SNX25: variants seen among roughly 807,000 people sequenced by gnomAD.
SNX25 encodes sorting nexin 25, also known as sorting nexin-25.
Under a neutral mutation model 113.7 loss-of-function variants are expected in SNX25, and 62 were observed. That is an observed-to-expected ratio of 0.55 (90% CI 0.44 to 0.67). The LOEUF (loss-of-function observed/expected upper bound fraction) is 0.67. SNX25 is among the 30% of genes least tolerant of loss of function. The pLI, the probability that SNX25 is intolerant of heterozygous loss-of-function variation, is 0.00. For missense variants in SNX25, 1,014 were observed against 1,161.0 expected, an observed-to-expected ratio of 0.87 and a Z score of 1.84; for synonymous variants, 421 against 436.2, an observed-to-expected ratio of 0.97 and a Z score of 0.43.
intron 11 of SNX25, among the ~76,000 whole-genome samples, chr4:185,341,447 T>C (rs2095259469): frequency 6.6e-6 from 1 of 152,238 alleles, no homozygotes; most frequent in African/African-American, 2.4e-5. Flanking sequence ...TAGTTTTCTT[T>C]TGCTGTGTAA....
chr4:185,281,559 T>C (rs1750563108), intron 5 of SNX25, among the ~76,000 whole-genome samples: 1 of 152,190 alleles, frequency 6.6e-6, no homozygotes, highest in Non-Finnish European at 1.5e-5. Context: ...TCTGATACAC[T>C]TTCTCATTTA....
intron 1 of SNX25, among the ~76,000 whole-genome samples, chr4:185,222,417 C>T (rs1433005322): frequency 7.9e-5 from 12 of 151,268 alleles, no homozygotes; most frequent in Admixed American, 5.9e-4. Flanking sequence ...CCCTCCCTCT[C>T]GGTAGGTATT....
intron 6 of SNX25, among the ~76,000 whole-genome samples, chr4:185,296,464 CCTT>C (rs1258400099): frequency 1.3e-5 from 2 of 152,116 alleles, no homozygotes; most frequent in African/African-American, 4.8e-5. Context: ...ACATTACTCT[CCTT>C]AACAAGGTGG....
At chr4:185,239,409 G>A (rs2126447447) in intron 1 of SNX25, among the ~76,000 whole-genome samples, 1 of 152,310 alleles carries the variant, frequency 6.6e-6, no homozygotes, top group East Asian at 1.9e-4. Context: ...CTTGAACCCA[G>A]GACGCGGAGC....
At chr4:185,329,482 G>A (rs1215013226) in intron 9 of SNX25, among the ~76,000 whole-genome samples, 1 of 152,166 alleles carries the variant, frequency 6.6e-6, no homozygotes, top group Non-Finnish European at 1.5e-5. Context: ...AAGAAACTGG[G>A]CATCCCCAAG....
At chr4:185,326,058 A>G (rs933141052) in intron 9 of SNX25, among the ~76,000 whole-genome samples, 4 of 152,238 alleles carry the variant, frequency 2.6e-5, no homozygotes, top group Non-Finnish European at 5.9e-5. Context: ...GAATACTCAG[A>G]GATGGTTTCC....
intron 1 of SNX25, among the ~76,000 whole-genome samples, chr4:185,244,452 G>A (rs1009576300): frequency 3.3e-5 from 5 of 152,244 alleles, no homozygotes; most frequent in African/African-American, 9.6e-5. Flanking sequence ...CCCAAAATTC[G>A]TAAGTTGTTT....
At chr4:185,247,691 A>G (rs1380186121) in intron 2 of SNX25, among the ~76,000 whole-genome samples, 1 of 152,020 alleles carries the variant, frequency 6.6e-6, no homozygotes, top group African/African-American at 2.4e-5. Flanking sequence ...TTTTCTTCTA[A>G]CTATAACCTA....
chr4:185,347,279 T>G (rs760186443), intron 13 of SNX25, among the ~76,000 whole-genome samples: 1 of 152,212 alleles, frequency 6.6e-6, no homozygotes, highest in Non-Finnish European at 1.5e-5. Flanking sequence ...GCCCAGAGAT[T>G]AGGATTTCTC....
At chr4:185,309,575 C>T (rs1038415263) in intron 6 of SNX25, among the ~76,000 whole-genome samples, 7 of 152,044 alleles carry the variant, frequency 4.6e-5, no homozygotes, top group South Asian at 4.1e-4. Context: ...TGTTGGAAAC[C>T]TAGGAGCCAT....
chr4:185,207,361 C>T (rs1188620303), upstream of SNX25, among the ~76,000 whole-genome samples: 2 of 151,856 alleles, frequency 1.3e-5, no homozygotes, highest in East Asian at 1.9e-4. Flanking sequence ...GGACTACAGG[C>T]GCACACCACC....
intron 1 of SNX25, among the ~76,000 whole-genome samples, chr4:185,234,025 T>C (rs933058925): frequency 6.6e-6 from 1 of 151,918 alleles, no homozygotes; most frequent in African/African-American, 2.4e-5. Context: ...GCCCTGCTGA[T>C]TTGTTTGTAT....
At chr4:185,219,850 T>C (rs1739507137) in intron 1 of SNX25, among the ~76,000 whole-genome samples, 1 of 152,082 alleles carries the variant, frequency 6.6e-6, no homozygotes, top group Non-Finnish European at 1.5e-5. Flanking sequence ...TACATGAAAT[T>C]AACATCTTAA....
chr4:185,247,459 AT>A (rs1745021957), intron 2 of SNX25, 81 bp downstream of exon 2: 3 of 1,087,002 alleles, frequency 2.8e-6, no homozygotes, highest in South Asian at 1.3e-5. Context: ...TCTCCAGCAA[AT>A]TTATTCTTCT....
intron 1 of SNX25, among the ~76,000 whole-genome samples, chr4:185,230,353 C>T (rs1164421558): frequency 4.6e-5 from 7 of 151,646 alleles, no homozygotes; most frequent in Non-Finnish European, 4.4e-5. Context: ...TTCTGATTTT[C>T]CTAATAATAA....
chr4:185,239,401 T>G (rs1197998295), intron 1 of SNX25, among the ~76,000 whole-genome samples: 9 of 152,152 alleles, frequency 5.9e-5, no homozygotes, highest in Non-Finnish European at 1.0e-4. Flanking sequence ...GAGAATGGCT[T>G]GAACCCAGGA....
chr4:185,288,752 G>A (rs1193168155), intron 6 of SNX25, among the ~76,000 whole-genome samples: 1 of 152,122 alleles, frequency 6.6e-6, no homozygotes, highest in East Asian at 1.9e-4. Context: ...CTTGTAGTTT[G>A]CCTGATGCTA....
chr4:185,291,257 G>A (rs1023733270), intron 6 of SNX25, among the ~76,000 whole-genome samples: 3 of 152,076 alleles, frequency 2.0e-5, no homozygotes, highest in African/African-American at 2.4e-5. Context: ...CAGTTCTGTG[G>A]CATTAATTAC....
rs113758939 is a variant in SNX25 at position 185,260,310 on chromosome 4, T to C, written c.731+1246T>C. Among the ~76,000 whole-genome samples the C allele has an allele frequency of 1.3e-4, 20 of 152,324 alleles. 1 individual carries two copies. The highest frequency in any genetic ancestry group is 4.6e-4 in the African/African-American group (19 of 41,570). On this transcript the variant is annotated intron_variant, in intron 3 of 18. Coordinates refer to ENST00000652585, the MANE Select transcript of SNX25 (RefSeq NM_001378034.2). Reference sequence around the variant, plus strand: ...TTGTTCCCAGGATTTCTCTACATTCTTAAAAGTTTCTGAGAATTTCAAAGA... The same window carrying C: ...TTGTTCCCAGGATTTCTCTACATTCCTAAAAGTTTCTGAGAATTTCAAAGA...
Sources: allele counts gnomAD v4.1 joint callset (sites outside exome capture counted in the v4.1 genomes callset), GRCh38; gene constraint gnomAD v4.1.1; transcripts MANE v1.5; gene names NCBI Gene and HGNC (gene_info 2026-07-23, HGNC 2026-07-21).